The following TENM4 variants were observed in gnomAD, a reference collection of about 807,000 sequenced individuals.
TENM4 encodes teneurin transmembrane protein 4.
TENM4 carries 82 observed loss-of-function variants against 243.3 expected under a neutral mutation model. The observed-to-expected ratio is 0.34, with a 90% CI of 0.28 to 0.40. TENM4 has a LOEUF of 0.40. TENM4 is among the 10% of genes least tolerant of loss of function. The pLI, the probability that TENM4 is intolerant of heterozygous loss-of-function variation, is 1.00. For synonymous variants in TENM4, 1,412 were observed against 1,456.3 expected (o/e 0.97, Z 0.69); for missense variants, 3,138 against 3,673.3 (o/e 0.85, Z 3.77).
chr11:79,280,304 C>G (rs1300151008), intron 2 of TENM4, among the ~76,000 whole-genome samples: 1 of 152,188 alleles, frequency 6.6e-6, no homozygotes, highest in Non-Finnish European at 1.5e-5. Flanking sequence ...CTACCTTCCT[C>G]CTTTTGTGGC....
At chr11:79,148,038 CACA>C (rs1449989036) in intron 4 of TENM4, among the ~76,000 whole-genome samples, 8 of 152,080 alleles carry the variant, frequency 5.3e-5, no homozygotes, top group African/African-American at 9.7e-5. Context: ...TTCCTGAAAA[CACA>C]ACAAGAGTAG....
At chr11:79,257,261 C>T (rs1422827745) in intron 2 of TENM4, among the ~76,000 whole-genome samples, 6 of 151,970 alleles carry the variant, frequency 3.9e-5, no homozygotes, top group Non-Finnish European at 1.5e-5. Context: ...ATGTTGTGTC[C>T]CAAAGGGTTG....
intron 6 of TENM4, among the ~76,000 whole-genome samples, chr11:78,933,884 G>A (rs1856724564): frequency 1.3e-5 from 2 of 152,140 alleles, no homozygotes; most frequent in African/African-American, 4.8e-5. Flanking sequence ...AAAGAGCTCA[G>A]GGCCTTATAT....
In TENM4 at chr11:79,337,436, G is replaced by C. The variant is rs1565305305; in HGVS notation, c.-320-39893C>G. Among the ~76,000 whole-genome samples, 4 of 152,324 alleles carry C rather than the reference G, an allele frequency of 2.6e-5. No individual in the cohort carries two copies. In the East Asian group the frequency reaches 5.8e-4, roughly 22 times the overall value. On this transcript the variant is annotated intron_variant, in intron 1 of 33. Transcript: ENST00000278550. ...CCCTTGGAAGGTCCAACCTTTGGCTGTCCAGTGACCTGTGATTTGTCTCAA... is the reference window on the plus strand; with the variant it reads ...CCCTTGGAAGGTCCAACCTTTGGCTCTCCAGTGACCTGTGATTTGTCTCAA...
At chr11:79,139,623 A>ATATAAAATATATATTATATTTAT (rs1425224719) in intron 4 of TENM4, among the ~76,000 whole-genome samples, 1 of 102,502 alleles carries the variant, frequency 9.8e-6, no homozygotes, top group East Asian at 3.0e-4. Context: ...ATATTTATAT[A>ATATAAAATATATATTATATTTAT]AGTATATAAA....
intron 3 of TENM4, among the ~76,000 whole-genome samples, chr11:79,209,096 T>C (rs1032590309): frequency 6.6e-6 from 1 of 152,194 alleles, no homozygotes; most frequent in Non-Finnish European, 1.5e-5. Context: ...CCAAGGATAA[T>C]GACACTGACC....
intron 3 of TENM4, among the ~76,000 whole-genome samples, chr11:79,196,497 T>G (rs1271393013): frequency 6.6e-6 from 1 of 152,162 alleles, no homozygotes; most frequent in African/African-American, 2.4e-5. Context: ...TCTGTGAAAC[T>G]GGGGTCCTAA....
intron 3 of TENM4, among the ~76,000 whole-genome samples, chr11:79,202,938 T>G (rs1235584273): frequency 6.6e-6 from 1 of 152,196 alleles, no homozygotes; most frequent in Non-Finnish European, 1.5e-5. Context: ...ACCATTGTCT[T>G]GGTTTAATTT....
At chr11:78,741,060 C>T (rs1466073822) in intron 19 of TENM4, among the ~76,000 whole-genome samples, 3 of 152,224 alleles carry the variant, frequency 2.0e-5, no homozygotes, top group Admixed American at 6.5e-5. Context: ...AAAACACTTC[C>T]ATCCCTGTTC....
At chr11:79,421,383 G>A (rs994469753) in intron 1 of TENM4, among the ~76,000 whole-genome samples, 1 of 152,198 alleles carries the variant, frequency 6.6e-6, no homozygotes, top group African/African-American at 2.4e-5. Flanking sequence ...TTATTTAACA[G>A]AATGTGATAT....
intron 2 of TENM4, among the ~76,000 whole-genome samples, chr11:79,262,827 T>C (rs1855821593): frequency 6.6e-6 from 1 of 152,138 alleles, no homozygotes; most frequent in African/African-American, 2.4e-5. Flanking sequence ...ATAATGACAA[T>C]TACATGGGAG....
At chr11:78,894,979 TAAAAAAAAAAAA>T (rs67819510) in intron 7 of TENM4, among the ~76,000 whole-genome samples, 5 of 59,472 alleles carry the variant, frequency 8.4e-5, no homozygotes, top group Non-Finnish European at 1.0e-4. Context: ...GACTCGGCCT[TAAAAAAAAAAAA>T]AAAAAAAAAA....
At chr11:78,698,757 C>G (rs1298722877) in intron 28 of TENM4, among the ~76,000 whole-genome samples, 2 of 152,184 alleles carry the variant, frequency 1.3e-5, no homozygotes, top group African/African-American at 4.8e-5. Context: ...TTATTTCTGT[C>G]TGGTTGAGAC....
At chr11:79,096,930 A>ACACACACACACACACG (rs1861097118) in intron 4 of TENM4, 1 of 63,284 alleles carries the variant, frequency 1.6e-5, no homozygotes, top group African/African-American at 5.1e-5. Flanking sequence ...GCGCGCGCGC[A>ACACACACACACACACG]CACACACACA....
At chr11:79,059,903 T>C (rs1185481139) in intron 6 of TENM4, among the ~76,000 whole-genome samples, 5 of 152,192 alleles carry the variant, frequency 3.3e-5, no homozygotes, top group Admixed American at 2.6e-4. Flanking sequence ...ACTCTGAAAC[T>C]AGCATTCTTT....
At chr11:78,843,242 C>T (rs1034625041) in intron 12 of TENM4, among the ~76,000 whole-genome samples, 1 of 152,172 alleles carries the variant, frequency 6.6e-6, no homozygotes, top group Non-Finnish European at 1.5e-5. Context: ...TGCACCACTG[C>T]ACTCCAGCCT....
At chr11:79,407,966 T>C (rs1858608919) in intron 1 of TENM4, among the ~76,000 whole-genome samples, 2 of 151,920 alleles carry the variant, frequency 1.3e-5, no homozygotes, top group South Asian at 2.1e-4. Context: ...TGCAGGAGCA[T>C]GATCTTGGCT....
chr11:78,899,562 G>GC (rs989502193), intron 7 of TENM4, among the ~76,000 whole-genome samples: 15 of 135,250 alleles, frequency 1.1e-4, no homozygotes, highest in South Asian at 5.7e-4. Context: ...CAAAAAGCGG[G>GC]GGGGGGGGGA....
At chr11:79,165,599 T>C (rs1862893044) in intron 3 of TENM4, among the ~76,000 whole-genome samples, 1 of 152,186 alleles carries the variant, frequency 6.6e-6, no homozygotes, top group African/African-American at 2.4e-5. Flanking sequence ...GGTTGTTTGT[T>C]TATTCTGTTA....
Sources: allele counts gnomAD v4.1 joint callset (sites outside exome capture counted in the v4.1 genomes callset), GRCh38; gene constraint gnomAD v4.1.1; transcripts MANE v1.5; gene names NCBI Gene and HGNC (gene_info 2026-07-23, HGNC 2026-07-21).